Variants in MYO16 observed in about 807,000 individuals in gnomAD.
MYO16 encodes the protein myosin XVI.
Under a neutral mutation model 205.3 loss-of-function variants are expected in MYO16, and 94 were observed. That is an observed-to-expected ratio of 0.46 (90% confidence interval 0.39 to 0.54). The LOEUF (loss-of-function observed/expected upper bound fraction) is 0.54, where lower values mean the gene tolerates loss of function less well. MYO16 is among the 20% of genes least tolerant of loss of function. The pLI, the probability that MYO16 is intolerant of heterozygous loss-of-function variation, is 0.00. For synonymous variants in MYO16, 988 were observed against 954.0 expected (o/e 1.04, Z -0.66); for missense variants, 2,315 against 2,387.5 (o/e 0.97, Z 0.63).
intron 23 of MYO16, among the ~76,000 whole-genome samples, chr13:109,021,239 A>G (rs895880828): frequency 1.3e-5 from 2 of 152,140 alleles, no homozygotes; most frequent in Non-Finnish European, 2.9e-5. Flanking sequence ...AACTTTCAGG[A>G]ATGACATTAA....
At chr13:108,599,913 G>A (rs1430031757) in intron 1 of MYO16, among the ~76,000 whole-genome samples, 2 of 152,164 alleles carry the variant, frequency 1.3e-5, no homozygotes, top group South Asian at 2.1e-4. Context: ...AAGGCCATTT[G>A]TGAGCATAGC....
chr13:109,066,659 G>A (rs961983647), intron 27 of MYO16, among the ~76,000 whole-genome samples: 12 of 152,124 alleles, frequency 7.9e-5, no homozygotes, highest in Non-Finnish European at 1.8e-4. Flanking sequence ...GGACCAAATA[G>A]TACGTATTGT....
intron 9 of MYO16, among the ~76,000 whole-genome samples, chr13:108,841,839 A>G (rs1009568849): frequency 3.9e-5 from 6 of 152,166 alleles, no homozygotes; most frequent in Non-Finnish European, 7.4e-5. Context: ...TTACAAAGCT[A>G]TAGTAATCAA....
chr13:109,121,493 C>T (rs1032666559), intron 29 of MYO16, among the ~76,000 whole-genome samples: 1 of 152,204 alleles, frequency 6.6e-6, no homozygotes, highest in Non-Finnish European at 1.5e-5. Context: ...CCTCCTTTGG[C>T]CGGTCATTTG....
intron 20 of MYO16, among the ~76,000 whole-genome samples, chr13:108,966,005 C>A (rs1566436478): frequency 6.6e-6 from 1 of 152,064 alleles, no homozygotes; most frequent in Non-Finnish European, 1.5e-5. Flanking sequence ...TGGGAAAGTT[C>A]TTAAATAAAT....
At chr13:108,718,437 G>A (rs747864756) in intron 3 of MYO16, among the ~76,000 whole-genome samples, 4 of 151,646 alleles carry the variant, frequency 2.6e-5, no homozygotes, top group East Asian at 2.0e-4. Flanking sequence ...TATTCCACAC[G>A]GGGCCCCCAC....
intron 33 of MYO16, among the ~76,000 whole-genome samples, chr13:109,175,431 G>A (rs1345996304): frequency 6.6e-6 from 1 of 152,212 alleles, no homozygotes; most frequent in Non-Finnish European, 1.5e-5. Flanking sequence ...CAGCTTTGGG[G>A]AATTCCTTCC....
chr13:109,108,622 G>A (rs1889193618), intron 28 of MYO16, among the ~76,000 whole-genome samples: 1 of 152,212 alleles, frequency 6.6e-6, no homozygotes, highest in African/African-American at 2.4e-5. Flanking sequence ...AGTCTGCTGG[G>A]GGAGAAACAG....
chr13:109,046,283 T>A (rs754656486), intron 23 of MYO16, among the ~76,000 whole-genome samples: 12 of 152,180 alleles, frequency 7.9e-5, no homozygotes, highest in Non-Finnish European at 1.2e-4. Context: ...ACCACTGAGA[T>A]TTCACACTTA....
intron 1 of MYO16, among the ~76,000 whole-genome samples, chr13:108,637,603 A>G (rs563569788): frequency 2.6e-5 from 4 of 152,194 alleles, no homozygotes; most frequent in Non-Finnish European, 5.9e-5. Flanking sequence ...GGCTGGGCAC[A>G]GTGGCTCACG....
the MYO16 span, among the ~76,000 whole-genome samples, chr13:108,506,942 G>A: frequency 4.3e-4 from 65 of 151,956 alleles, no homozygotes; most frequent in African/African-American, 1.2e-3. Context: ...AATTGAGATC[G>A]TGTAATTTTT....
At chr13:108,706,399 C>A (rs954441825) in intron 2 of MYO16, among the ~76,000 whole-genome samples, 2 of 152,092 alleles carry the variant, frequency 1.3e-5, no homozygotes, top group African/African-American at 2.4e-5. Flanking sequence ...CAGTGTGATC[C>A]TTGAGGAGGA....
chr13:108,560,568 A>G, the MYO16 span, among the ~76,000 whole-genome samples: 1 of 152,256 alleles, frequency 6.6e-6, no homozygotes, highest in East Asian at 1.9e-4. Flanking sequence ...TATTTCAGAT[A>G]ACACTGATTT....
At chr13:109,188,625 T>C (rs1044565642) in intron 34 of MYO16, among the ~76,000 whole-genome samples, 2 of 152,244 alleles carry the variant, frequency 1.3e-5, no homozygotes, top group East Asian at 1.9e-4. Context: ...AGTCCCACAA[T>C]AGTCCATCTG....
intron 1 of MYO16, among the ~76,000 whole-genome samples, chr13:108,630,861 G>T (rs905930434): frequency 2.6e-5 from 4 of 152,134 alleles, no homozygotes; most frequent in Non-Finnish European, 5.9e-5. Context: ...CTTATTTTTG[G>T]TAGAGAATGT....
At chr13:108,714,276 G>C (rs543771042) in intron 3 of MYO16, among the ~76,000 whole-genome samples, 8 of 152,226 alleles carry the variant, frequency 5.3e-5, no homozygotes, top group African/African-American at 9.6e-5. Flanking sequence ...AGGATAGTCT[G>C]GATCTCCTGA....
intron 1 of MYO16, among the ~76,000 whole-genome samples, chr13:108,632,971 C>T (rs773042617): frequency 3.9e-5 from 6 of 152,144 alleles, no homozygotes; most frequent in South Asian, 2.1e-4. Context: ...GTTCCCTTCA[C>T]GTGCCTCTGG....
chr13:108,766,059 A>T (rs993749638), intron 4 of MYO16, among the ~76,000 whole-genome samples: 1 of 152,214 alleles, frequency 6.6e-6, no homozygotes, highest in African/African-American at 2.4e-5. Flanking sequence ...GGCTTGGTAC[A>T]TAGTTCCTTA....
At chr13:108,817,778 A>G (rs761879975) in intron 7 of MYO16, among the ~76,000 whole-genome samples, 4 of 152,242 alleles carry the variant, frequency 2.6e-5, no homozygotes, top group Non-Finnish European at 5.9e-5. Flanking sequence ...CCTCTTGCCT[A>G]GGAAAAAATA....
Sources: gnomAD v4.1 joint callset for allele counts (sites outside exome capture counted in the v4.1 genomes callset) on GRCh38, gnomAD v4.1.1 for gene constraint, MANE v1.5 for transcripts, NCBI Gene and HGNC (gene_info 2026-07-23, HGNC 2026-07-21) for gene names.